PCDHGA7: variants seen among roughly 807,000 people sequenced by gnomAD.
PCDHGA7 encodes protocadherin gamma-A7.
In PCDHGA7, 44 loss-of-function variants were observed where a neutral mutation model predicts 58.3. That is an observed-to-expected ratio of 0.75 (90% CI 0.59 to 0.97). The LOEUF (loss-of-function observed/expected upper bound fraction) is 0.97. Ranked by LOEUF, PCDHGA7 falls within the 50% of genes least tolerant of loss-of-function variation. The pLI, the probability that PCDHGA7 is intolerant of heterozygous loss-of-function variation, is 0.00. For synonymous variants in PCDHGA7, 516 were observed against 504.2 expected (o/e 1.02, Z -0.31); for missense variants, 1,266 against 1,188.7 (o/e 1.06, Z -0.96).
intron 1 of PCDHGA7, chr5:141,412,314 A>G (rs913648948): frequency 6.6e-6 from 1 of 152,240 alleles, no homozygotes; most frequent in African/African-American, 2.4e-5. Flanking sequence ...CAATGCAAAC[A>G]GTTTAATTTG....
chr5:141,399,833 C>T (rs1233031581), intron 1 of PCDHGA7: 1 of 1,613,140 alleles, frequency 6.2e-7, no homozygotes, highest in Non-Finnish European at 8.5e-7. Context: ...GACGGCTCTG[C>T]GCTCTTCGAT....
intron 1 of PCDHGA7, among the ~76,000 whole-genome samples, chr5:141,437,246 C>A (rs897787623): frequency 6.6e-6 from 1 of 152,144 alleles, no homozygotes; most frequent in Non-Finnish European, 1.5e-5. Context: ...CAAGGACTTT[C>A]CTTGTCTTTT....
intron 1 of PCDHGA7, chr5:141,419,158 C>T (rs757849297): frequency 5.0e-6 from 8 of 1,613,950 alleles, no homozygotes; most frequent in Admixed American, 1.7e-5. Context: ...CTCCGTTATC[C>T]TCCAGCAAAA....
intron 1 of PCDHGA7, chr5:141,420,142 G>T: frequency 4.3e-6 from 7 of 1,614,004 alleles, no homozygotes; most frequent in Non-Finnish European, 5.9e-6. Flanking sequence ...GGGATCAAAT[G>T]AATCCAGAAT....
intron 1 of PCDHGA7, chr5:141,423,138 C>G (rs767107885): frequency 1.2e-6 from 2 of 1,613,606 alleles, no homozygotes; most frequent in Non-Finnish European, 1.7e-6. Flanking sequence ...TGGACAGAGA[C>G]GCGCTCAAGC....
chr5:141,455,400 C>G (rs537466326), intron 1 of PCDHGA7, among the ~76,000 whole-genome samples: 8 of 152,274 alleles, frequency 5.3e-5, no homozygotes, highest in Admixed American at 5.2e-4. Context: ...CTCCCCCTTA[C>G]AGAGACAGAG....
At position 141,490,219 on chromosome 5, in the gene PCDHGA7, C is replaced by T. The variant is rs771985398; in HGVS notation, c.2425-4588C>T. 2.5e-5 allele frequency: 41 copies of T among 1,614,094 alleles called. No individual in the cohort carries two copies. The highest frequency in any genetic ancestry group is 3.3e-5 in the Non-Finnish European group (39 of 1,180,038). On this transcript the variant is annotated intron_variant, in intron 1 of 3. Coordinates refer to ENST00000518325, the MANE Select transcript of PCDHGA7 (RefSeq NM_018920.4). This position sits in a 1 kb window ranked among gnomAD's most constrained non-coding sequence, Gnocchi z 5.4. ...TCATGCAAGAGCCCGTGACCAGGGA[C>T]AGCCTGCCATGGAGGGCCACTGTGT... is the stretch of plus-strand genomic sequence containing the variant.
At position 141,491,423 on chromosome 5, in the gene PCDHGA7, G is replaced by A; in HGVS notation, c.2425-3384G>A. The A allele has an allele frequency of 3.1e-6, 5 of 1,614,126 alleles. No homozygotes were observed. Among genetic ancestry groups the A allele is most frequent in the Non-Finnish European group, 4.2e-6 (5 of 1,180,036 alleles). ...AACGCAGACGGGGACGGGGGTGGAGGGCAGTGCTGCAGGCGCCAGGACTCA... is the reference window on the plus strand; with the variant it reads ...AACGCAGACGGGGACGGGGGTGGAGAGCAGTGCTGCAGGCGCCAGGACTCA... On this transcript the variant is annotated intron_variant, in intron 1 of 3. Transcript: ENST00000518325. The surrounding 1 kb of genome is among the most constrained non-coding windows in gnomAD (Gnocchi z 6.9).
chr5:141,436,856 G>A (rs942357563), intron 1 of PCDHGA7, among the ~76,000 whole-genome samples: 2 of 152,246 alleles, frequency 1.3e-5, no homozygotes, highest in Admixed American at 1.3e-4. Context: ...TGATTGAGAA[G>A]CCACAGTTTT....
rs749817501 is a variant in PCDHGA7 at position 141,423,756 on chromosome 5, G to GT, written c.2424+38433_2424+38434insT. ...GCCTGTTATGAAAACTGTTTGGGGGGGGGGTGGGGCGGCATATATTTAGTT... is the reference window on the plus strand; with the variant it reads ...GCCTGTTATGAAAACTGTTTGGGGGGTGGGGTGGGGCGGCATATATTTAGTT... On this transcript the variant is annotated intron_variant, in intron 1 of 3. Transcript: ENST00000518325. 9 of 448,538 alleles carry GT rather than the reference G, an allele frequency of 2.0e-5. 1 individual carries two copies. Among genetic ancestry groups the GT allele is most frequent in the African/African-American group, 2.8e-5 (1 of 35,670 alleles). 27.8% of individuals were successfully genotyped at this position (448,538 alleles called of 1,614,324 possible).
intron 1 of PCDHGA7, chr5:141,417,232 G>A (rs997894028): frequency 6.6e-6 from 1 of 152,072 alleles, no homozygotes; most frequent in Admixed American, 6.6e-5. Context: ...AAAATTTGTT[G>A]CTTATCTTCA....
In PCDHGA7 at chr5:141,383,580, C is replaced by A. The variant is rs935361844; in HGVS notation, c.681C>A (p.His227Gln). ...ACCCGCCCCGATCCAGCACCGCCCA[C>A]ATCCAGGTGACAGTGGTGGATGTGA... ...GGDPPRSSTAHIQVTVVDVND... is the reference protein window; with the variant it reads ...GGDPPRSSTAQIQVTVVDVND... The change falls in exon 1 of 4, where the codon CAC (histidine) becomes CAA (glutamine). Residue 227 changes from histidine to glutamine, a missense_variant. Physicochemically the swap from His to Gln is conservative, Grantham distance 24. Coordinates refer to ENST00000518325, the MANE Select transcript of PCDHGA7 (RefSeq NM_018920.4). 6.2e-7 allele frequency: 1 copy of A among 1,613,642 alleles called. No homozygotes were observed. The highest frequency in any genetic ancestry group is 1.1e-5 in the South Asian group (1 of 91,058).
In PCDHGA7 at chr5:141,477,472, C is replaced by T. The variant is rs764533834; in HGVS notation, c.2425-17335C>T. 1 of 1,614,156 alleles carries T rather than the reference C, an allele frequency of 6.2e-7. No homozygotes were observed. Among genetic ancestry groups the T allele is most frequent in the South Asian group, 1.1e-5 (1 of 91,080 alleles). Reference sequence around the variant, plus strand: ...GTGTTCAAGTGTCCGACATCAATGACAACCCTCCACAATCTTCTCAATCTT... The same window carrying T: ...GTGTTCAAGTGTCCGACATCAATGATAACCCTCCACAATCTTCTCAATCTT... On this transcript the variant is annotated intron_variant, in intron 1 of 3. Transcript: ENST00000518325. This position sits in a 1 kb window ranked among gnomAD's most constrained non-coding sequence, Gnocchi z 4.9.
chr5:141,500,318 C>T (rs1005060282), intron 2 of PCDHGA7, among the ~76,000 whole-genome samples: 3 of 151,948 alleles, frequency 2.0e-5, no homozygotes, highest in African/African-American at 7.3e-5. Context: ...ACGCCATGCT[C>T]CTGCCTCAGC....
At chr5:141,471,965 G>A (rs919560714) in intron 1 of PCDHGA7, among the ~76,000 whole-genome samples, 4 of 152,160 alleles carry the variant, frequency 2.6e-5, no homozygotes, top group Non-Finnish European at 4.4e-5. Context: ...GGGGTTGGTT[G>A]CATTACTGTA....
At chr5:141,437,896 C>T (rs943440712) in intron 1 of PCDHGA7, among the ~76,000 whole-genome samples, 2 of 152,128 alleles carry the variant, frequency 1.3e-5, no homozygotes, top group African/African-American at 4.8e-5. Flanking sequence ...CGCCACCACA[C>T]CCAGCTAATT....
rs144490159 is a variant in PCDHGA7, at chr5:141,418,260, G to A, written c.2424+32937G>A. The A allele has an allele frequency of 5.0e-3, 7,995 of 1,614,000 alleles. 44 individuals carry two copies. Among genetic ancestry groups the A allele is most frequent in the Admixed American group, 9.4e-3 (566 of 60,026 alleles). ...GTTAATGACCACGCCCCTCAATTCCGGAAAGATGAAATAAACTTAGAAATC... is the reference window on the plus strand; with the variant it reads ...GTTAATGACCACGCCCCTCAATTCCAGAAAGATGAAATAAACTTAGAAATC... On this transcript the variant is annotated intron_variant, in intron 1 of 3. Coordinates refer to ENST00000518325, the MANE Select transcript of PCDHGA7 (RefSeq NM_018920.4).
chr5:141,418,157 A>G, intron 1 of PCDHGA7: 1 of 1,614,074 alleles, frequency 6.2e-7, no homozygotes, highest in Non-Finnish European at 8.5e-7. Context: ...CAAAGAGAGA[A>G]GAAGATGTGA....
At chr5:141,506,969 A>G (rs923725359) in intron 3 of PCDHGA7, 7 of 152,208 alleles carry the variant, frequency 4.6e-5, no homozygotes, top group Non-Finnish European at 8.8e-5. Flanking sequence ...ATAGCTCTGC[A>G]AGGCAGGTCT....
Sources: allele counts gnomAD v4.1 joint callset (sites outside exome capture counted in the v4.1 genomes callset), GRCh38; gene constraint gnomAD v4.1.1; non-coding constraint Gnocchi (gnomAD v3.1); transcripts MANE v1.5; gene names NCBI Gene and HGNC (gene_info 2026-07-23, HGNC 2026-07-21).